The following STK39 variants were observed in gnomAD, a reference collection of about 807,000 sequenced individuals.
STK39 encodes serine/threonine kinase 39, also known as STE20/SPS1-related proline-alanine-rich protein kinase.
STK39 carries 20 observed loss-of-function variants against 77.8 expected under a neutral mutation model. The ratio of observed to expected loss-of-function variants is 0.26; its 90% CI spans 0.18 to 0.37. STK39 has a LOEUF of 0.37. Among genes scored for constraint, STK39 ranks in the 10% least tolerant of loss-of-function variants. STK39 has a pLI of 1.00. For missense variants in STK39, 479 were observed against 656.5 expected, an observed-to-expected ratio of 0.73 and a Z score of 2.95; for synonymous variants, 246 against 234.1, an observed-to-expected ratio of 1.05 and a Z score of -0.47.
intron 10 of STK39, among the ~76,000 whole-genome samples, chr2:168,108,614 G>A (rs561334498): frequency 6.6e-6 from 1 of 151,870 alleles, no homozygotes; most frequent in South Asian, 2.1e-4. Flanking sequence ...TAATGTTCCA[G>A]AATTTCACAG....
At chr2:168,193,305 C>A (rs187675574) in intron 1 of STK39, among the ~76,000 whole-genome samples, 4 of 152,146 alleles carry the variant, frequency 2.6e-5, no homozygotes, top group Non-Finnish European at 4.4e-5. Flanking sequence ...TTCTTCCCCC[C>A]CCTCTTCACA....
chr2:168,063,390 A>G (rs1287840584), intron 14 of STK39, 110 bp downstream of exon 14: 37 of 985,980 alleles, frequency 3.8e-5, no homozygotes, highest in Non-Finnish European at 5.3e-5. Context: ...GGGGAAATCA[A>G]ATAAGCTAAC....
intron 2 of STK39, 98 bp from the exon 3 acceptor site, chr2:168,167,505 T>A: frequency 1.9e-6 from 2 of 1,044,370 alleles, no homozygotes; most frequent in Non-Finnish European, 2.9e-6. Context: ...ACTTTCCTAC[T>A]CGAAAGCCTA....
At chr2:168,105,723 C>T (rs1434165103) in intron 10 of STK39, among the ~76,000 whole-genome samples, 1 of 152,150 alleles carries the variant, frequency 6.6e-6, no homozygotes, top group Non-Finnish European at 1.5e-5. Context: ...TTTTTAAAGC[C>T]AGAGTTTCAG....
chr2:168,217,880 AG>A (rs1023578777), intron 1 of STK39, among the ~76,000 whole-genome samples: 1 of 152,226 alleles, frequency 6.6e-6, no homozygotes, highest in Non-Finnish European at 1.5e-5. Flanking sequence ...TAATAGTCAA[AG>A]CCAGCCCTAG....
chr2:168,123,737 C>T (rs780936189), intron 10 of STK39, among the ~76,000 whole-genome samples: 3 of 151,806 alleles, frequency 2.0e-5, no homozygotes, highest in Non-Finnish European at 2.9e-5. Flanking sequence ...GGCATGGTGG[C>T]GGGCACCTGT....
chr2:168,204,417 C>G (rs1487487196), intron 1 of STK39, among the ~76,000 whole-genome samples: 1 of 152,234 alleles, frequency 6.6e-6, no homozygotes, highest in African/African-American at 2.4e-5. Context: ...ACCCGGTAAA[C>G]TGGCGGGAAA....
intron 1 of STK39, among the ~76,000 whole-genome samples, chr2:168,200,177 A>G (rs1057124192): frequency 6.6e-6 from 1 of 152,198 alleles, no homozygotes; most frequent in African/African-American, 2.4e-5. Flanking sequence ...ATCAAAACCT[A>G]TACATCAAAA....
At chr2:168,111,111 CCAT>C in intron 10 of STK39, among the ~76,000 whole-genome samples, 1 of 152,000 alleles carries the variant, frequency 6.6e-6, no homozygotes. Flanking sequence ...TAAAATTTAT[CCAT>C]CTTGTCTAGA....
chr2:168,055,796 T>C (rs1012552318), intron 14 of STK39, among the ~76,000 whole-genome samples: 1 of 152,358 alleles, frequency 6.6e-6, no homozygotes, highest in African/African-American at 2.4e-5. Flanking sequence ...ACTATTTTAT[T>C]TGATGAAAAA....
At chr2:168,220,499 G>A (rs1327259996) in intron 1 of STK39, among the ~76,000 whole-genome samples, 1 of 152,150 alleles carries the variant, frequency 6.6e-6, no homozygotes, top group South Asian at 2.1e-4. Context: ...AGATGTGCAT[G>A]TAAAAAGTAC....
At chr2:168,059,113 C>T (rs142369134) in intron 14 of STK39, among the ~76,000 whole-genome samples, 70 of 152,272 alleles carry the variant, frequency 4.6e-4, no homozygotes, top group African/African-American at 1.6e-3. Context: ...TGCTCGGCCT[C>T]GTGGCTTGTT....
intron 1 of STK39, among the ~76,000 whole-genome samples, chr2:168,202,112 G>C (rs1689625869): frequency 6.6e-6 from 1 of 152,118 alleles, no homozygotes; most frequent in Non-Finnish European, 1.5e-5. Flanking sequence ...GTTATCTGTG[G>C]ACCACCTGCA....
At chr2:168,154,704 C>CTAAACTA (rs11280688) in intron 5 of STK39, among the ~76,000 whole-genome samples, 61,386 of 151,446 alleles carry the variant, frequency 0.41, 14,124 homozygotes, top group East Asian at 0.67. Context: ...AATGTGTCAC[C>CTAAACTA]TAAACTCCAT....
At chr2:168,137,090 G>A (rs1687859441) in intron 8 of STK39, among the ~76,000 whole-genome samples, 1 of 152,192 alleles carries the variant, frequency 6.6e-6, no homozygotes, top group African/African-American at 2.4e-5. Context: ...ACTAGAGAAG[G>A]CTTGCCTACT....
intron 10 of STK39, among the ~76,000 whole-genome samples, chr2:168,115,972 C>G (rs1687248492): frequency 6.6e-6 from 1 of 152,224 alleles, no homozygotes; most frequent in Non-Finnish European, 1.5e-5. Context: ...TGAACAGTCT[C>G]CATGTCACAG....
chr2:168,113,450 A>C (rs928068110), intron 10 of STK39, among the ~76,000 whole-genome samples: 1 of 152,244 alleles, frequency 6.6e-6, no homozygotes, highest in Admixed American at 6.5e-5. Flanking sequence ...TATTACATGC[A>C]ACAACTAGGA....
chr2:168,041,467 CT>C (rs937414237), intron 14 of STK39, among the ~76,000 whole-genome samples: 6 of 100,222 alleles, frequency 6.0e-5, no homozygotes, highest in Admixed American at 5.3e-4. Context: ...ATTATTGGCT[CT>C]TTAAAAAAAA....
intron 2 of STK39, among the ~76,000 whole-genome samples, chr2:168,167,951 AT>A (rs1307771839): frequency 2.0e-5 from 3 of 152,244 alleles, no homozygotes; most frequent in African/African-American, 7.2e-5. Flanking sequence ...CACAGTAGAT[AT>A]TCCATTAACT....
Sources: gnomAD v4.1 joint callset for allele counts (sites outside exome capture counted in the v4.1 genomes callset) on GRCh38, gnomAD v4.1.1 for gene constraint, MANE v1.5 for transcripts, NCBI Gene and HGNC (gene_info 2026-07-23, HGNC 2026-07-21) for gene names.